Variants in TRA2A observed in about 807,000 individuals in gnomAD.
The protein encoded by TRA2A is transformer 2 alpha homolog, also known as transformer-2 protein homolog alpha.
TRA2A carries 31 observed loss-of-function variants against 45.7 expected under a neutral mutation model. The ratio of observed to expected loss-of-function variants is 0.68; its 90% CI spans 0.51 to 0.92. TRA2A has a LOEUF of 0.92. Among genes scored for constraint, TRA2A ranks in the 40% least tolerant of loss-of-function variants. The probability of loss-of-function intolerance (pLI) is 0.00; values close to 1 mark genes in which losing one functional copy is unlikely to be tolerated. For missense variants in TRA2A, 304 were observed against 367.5 expected (o/e 0.83, Z 1.41); for synonymous variants, 132 against 126.2 (o/e 1.05, Z -0.31).
At chr7:23,517,927 A>C (rs568747542) in intron 2 of TRA2A, among the ~76,000 whole-genome samples, 2 of 151,252 alleles carry the variant, frequency 1.3e-5, no homozygotes, top group South Asian at 4.2e-4. Context: ...ACAAACAAAC[A>C]AACAAAATCC....
At chr7:23,522,115 C>G in intron 1 of TRA2A, 1 of 1,277,868 alleles carries the variant, frequency 7.8e-7, no homozygotes, top group Non-Finnish European at 1.0e-6. Flanking sequence ...GGAACATAAA[C>G]CATACATTTA....
chr7:23,511,550 C>T (rs1462870947), intron 4 of TRA2A, among the ~76,000 whole-genome samples: 9 of 151,610 alleles, frequency 5.9e-5, no homozygotes, highest in African/African-American at 2.2e-4. Context: ...CTTTAAAATG[C>T]AATTTTCTAA....
chr7:23,531,380 C>A (rs1435235984), intron 1 of TRA2A: 2 of 405,312 alleles, frequency 4.9e-6, no homozygotes, highest in Admixed American at 1.1e-4. Context: ...CTACGATGCT[C>A]GGGGTCGCCA....
In TRA2A at chr7:23,505,434, C is replaced by CG. The variant is rs1789268862; in HGVS notation, c.*124_*125insC. ...AACACAACTGACAAAAGTGTAGATGCTAAATAAACCAAAGTTTTTTTCTTA... is the reference window on the plus strand; with the variant it reads ...AACACAACTGACAAAAGTGTAGATGCGTAAATAAACCAAAGTTTTTTTCTTA... On this transcript the variant is annotated 3_prime_UTR_variant, in exon 8 of 8. Transcript: ENST00000297071. The CG allele has an allele frequency of 2.0e-6, 1 of 499,604 alleles. No individual in the cohort carries two copies. Among genetic ancestry groups the CG allele is most frequent in the South Asian group, 3.2e-5 (1 of 30,890 alleles). The allele number at this position is 499,604 out of a possible 1,614,324, so 30.9% of individuals were successfully genotyped here. A position where few individuals can be genotyped will look rare whatever the true frequency, so the allele number is the denominator to read the frequency against.
intron 5 of TRA2A, chr7:23,506,518 T>G (rs1789346282): frequency 7.1e-6 from 3 of 421,408 alleles, no homozygotes; most frequent in Middle Eastern, 6.0e-4. Context: ...CTGCCCAAAT[T>G]AAAATCTTTT....
Position 23,512,875 on chromosome 7 carries a change from A to T in TRA2A, c.525+19T>A, listed in dbSNP as rs376225461. ...CACTAATTCAGTACTATAATCAGGC[A>T]TATAAAAGACAAATTTACCTCCTTT... On this transcript the variant is annotated intron_variant, in intron 4 of 7. Coordinates refer to ENST00000297071, the MANE Select transcript of TRA2A (RefSeq NM_013293.5). The T allele has an allele frequency of 6.3e-7, 1 of 1,581,470 alleles. No homozygotes were observed. Among genetic ancestry groups the T allele is most frequent in the African/African-American group, 1.3e-5 (1 of 74,250 alleles).
At chr7:23,514,908 C>T (rs1789788876) in intron 3 of TRA2A, among the ~76,000 whole-genome samples, 1 of 152,194 alleles carries the variant, frequency 6.6e-6, no homozygotes, top group Non-Finnish European at 1.5e-5. Flanking sequence ...GTACAGCATG[C>T]AAACATGTTC....
chr7:23,505,784 C>T lies in TRA2A; in HGVS notation c.800G>A (p.Arg267Gln), dbSNP rs1232545720. The T allele has an allele frequency of 2.6e-6, 4 of 1,561,894 alleles. No homozygotes were observed. The highest frequency in any genetic ancestry group is 1.2e-5 in the South Asian group (1 of 81,464). ...ACGAGATCTTGATCGTGATCTATAT[C>T]GACTATAATAAGGAGAAGGTGATCG... is the stretch of plus-strand genomic sequence containing the variant. ...RRRSPSPYYSRYRSRSRSRSY... is the reference protein window; with the variant it reads ...RRRSPSPYYSQYRSRSRSRSY... Residue 267 changes from arginine (R) to glutamine (Q), a missense_variant, in exon 7 of 8, where the codon CGA becomes CAA. Arg to Gln is a conservative substitution (Grantham distance 43, BLOSUM62 1). Coordinates refer to ENST00000297071, the MANE Select transcript of TRA2A (RefSeq NM_013293.5).
rs1368322493 is a variant in TRA2A, at chr7:23,521,781, G to GCT, written c.94_95dup (p.Ser32ArgfsTer115). 6.2e-7 allele frequency: 1 copy of GCT among 1,614,100 alleles called. No individual in the cohort carries two copies. The highest frequency in any genetic ancestry group is 2.2e-5 in the East Asian group (1 of 44,876). ...TTGATGGACTACGAGATCCTGACCTGCTCTCCGATTTTACACGAGCAGGAG... is the reference window on the plus strand; with the variant it reads ...TTGATGGACTACGAGATCCTGACCTGCTCTCTCCGATTTTACACGAGCAGGAG... On this transcript the variant is annotated frameshift_variant, in exon 2 of 8. Transcript: ENST00000297071. LOFTEE classifies it high-confidence loss of function.
At chr7:23,508,716 G>C (rs543953327) in intron 4 of TRA2A, among the ~76,000 whole-genome samples, 4 of 152,112 alleles carry the variant, frequency 2.6e-5, no homozygotes, top group Non-Finnish European at 5.9e-5. Context: ...GGATGGTCTC[G>C]ATCTCTTGAC....
intron 3 of TRA2A, among the ~76,000 whole-genome samples, 195 bp downstream of exon 3, chr7:23,516,168 T>C (rs1224027836): frequency 6.6e-6 from 1 of 152,146 alleles, no homozygotes; most frequent in Non-Finnish European, 1.5e-5. Context: ...TCCTTTGCAT[T>C]CTTTGTCATA....
At chr7:23,517,200 G>C (rs374974789) in intron 2 of TRA2A, among the ~76,000 whole-genome samples, 11 of 141,350 alleles carry the variant, frequency 7.8e-5, no homozygotes, top group African/African-American at 2.9e-4. Context: ...AAATCACTTG[G>C]GGCCGGGCAC....
At chr7:23,522,473 G>C (rs1007419321) in intron 1 of TRA2A, 3 of 1,018,546 alleles carry the variant, frequency 2.9e-6, no homozygotes, top group Non-Finnish European at 2.5e-6. Flanking sequence ...AAGCACGTGG[G>C]GATTATAAAA....
intron 3 of TRA2A, among the ~76,000 whole-genome samples, chr7:23,513,974 T>G (rs1184191816): frequency 6.6e-6 from 1 of 152,174 alleles, no homozygotes; most frequent in Non-Finnish European, 1.5e-5. Flanking sequence ...AATGCTTGTT[T>G]GGACCAGTAT....
chr7:23,505,385 A>G lies in TRA2A; in HGVS notation c.*174T>C, dbSNP rs1024272418. 5.7e-5 allele frequency: 27 copies of G among 469,622 alleles called. No homozygotes were observed. Among genetic ancestry groups the G allele is most frequent in the Non-Finnish European group, 9.5e-5 (25 of 263,026 alleles). 29.1% of individuals were successfully genotyped at this position (469,622 alleles called of 1,614,324 possible). Reference sequence around the variant, plus strand: ...GACAACAATTACATCTTTTAAGAGTATAATAAAATGGGTGGAAAACAGCAA... The same window carrying G: ...GACAACAATTACATCTTTTAAGAGTGTAATAAAATGGGTGGAAAACAGCAA... On this transcript the variant is annotated 3_prime_UTR_variant, in exon 8 of 8. Coordinates refer to ENST00000297071, the MANE Select transcript of TRA2A (RefSeq NM_013293.5).
At chr7:23,514,829 A>G (rs887875830) in intron 3 of TRA2A, among the ~76,000 whole-genome samples, 1 of 152,210 alleles carries the variant, frequency 6.6e-6, no homozygotes, top group African/African-American at 2.4e-5. Flanking sequence ...ATAAATTTAC[A>G]GATTTCAAAA....
rs554178810 is a variant in TRA2A, at chr7:23,505,969, T to C, written c.771-156A>G. The C allele has an allele frequency of 9.6e-5, 69 of 718,190 alleles. No homozygotes were observed. In the East Asian group the frequency reaches 1.3e-3, roughly 14 times the overall value. 44.5% of individuals were successfully genotyped at this position (718,190 alleles called of 1,614,324 possible). Reference sequence around the variant, plus strand: ...CTGCCAATGAGACCAGAAAAGTATATAGCACAACAAAATACTGACATATAC... The same window carrying C: ...CTGCCAATGAGACCAGAAAAGTATACAGCACAACAAAATACTGACATATAC... On this transcript the variant is annotated intron_variant, in intron 6 of 7. Coordinates refer to ENST00000297071, the MANE Select transcript of TRA2A (RefSeq NM_013293.5).
At chr7:23,516,218 A>T in intron 3 of TRA2A, 145 bp downstream of exon 3, 1 of 694,378 alleles carries the variant, frequency 1.4e-6, no homozygotes, top group Non-Finnish European at 2.4e-6. Flanking sequence ...CATTTCCTTT[A>T]CTTTGAAAGC....
intron 2 of TRA2A, among the ~76,000 whole-genome samples, chr7:23,517,336 G>A (rs934211101): frequency 2.0e-5 from 3 of 149,258 alleles, no homozygotes; most frequent in African/African-American, 7.4e-5. Context: ...AAAATTAGCT[G>A]GGCATGGTGG....
Sources: gnomAD v4.1 joint callset for allele counts (sites outside exome capture counted in the v4.1 genomes callset) on GRCh38, gnomAD v4.1.1 for gene constraint, MANE v1.5 for transcripts, NCBI Gene and HGNC (gene_info 2026-07-23, HGNC 2026-07-21) for gene names.